The following CPS1 variants were observed in gnomAD, a reference collection of about 807,000 sequenced individuals.
CPS1 encodes carbamoyl-phosphate synthase 1, also known as carbamoyl-phosphate synthase [ammonia], mitochondrial.
A neutral mutation model predicts 174.6 loss-of-function variants in CPS1; 109 were observed. That is an observed-to-expected ratio of 0.62 (90% confidence interval 0.53 to 0.73). CPS1 has a LOEUF of 0.73. CPS1 is among the 30% of genes least tolerant of loss of function. The pLI, the probability that CPS1 is intolerant of heterozygous loss-of-function variation, is 0.00. For synonymous variants in CPS1, 637 were observed against 632.0 expected (o/e 1.01, Z -0.12); for missense variants, 1,689 against 1,821.9 (o/e 0.93, Z 1.33).
At chr2:210,501,061 C>T (rs1370823302) in intron 1 of CPS1, among the ~76,000 whole-genome samples, 1 of 152,170 alleles carries the variant, frequency 6.6e-6, no homozygotes, top group Non-Finnish European at 1.5e-5. Flanking sequence ...GGCTTGTGCC[C>T]TCTGAAGCCA....
intron 1 of CPS1, among the ~76,000 whole-genome samples, chr2:210,566,471 G>T (rs1363250337): frequency 2.0e-5 from 3 of 152,144 alleles, no homozygotes; most frequent in Non-Finnish European, 2.9e-5. Flanking sequence ...TTATAGATAG[G>T]TAGTTCTTGG....
chr2:210,648,538 G>C lies in CPS1; in HGVS notation c.3402G>C (p.Leu1134Phe). The stretch of plus-strand genomic sequence containing the variant: ...GCTTGTTGAGGCCTTCCTATGTTTT[G>C]AGGTAACACTGTATATTGTTTTCCA... ...YPCLLRPSYVLSGSAMNVVFS... is the reference protein window; with the variant it reads ...YPCLLRPSYVFSGSAMNVVFS... Residue 1134 changes from leucine (L) to phenylalanine (F), a missense_variant and splice_region_variant, in exon 27 of 38, where the codon TTG (leucine) becomes TTC (phenylalanine). By Grantham distance (22) the Leu-to-Phe change is conservative. Transcript: ENST00000233072. 6.2e-7 allele frequency: 1 copy of C among 1,612,866 alleles called. No individual in the cohort carries two copies. Among genetic ancestry groups the C allele is most frequent in the Non-Finnish European group, 8.5e-7 (1 of 1,179,144 alleles).
At chr2:210,538,331 A>G (rs1295671605) in intron 1 of CPS1, among the ~76,000 whole-genome samples, 15 of 152,150 alleles carry the variant, frequency 9.9e-5, no homozygotes, top group Non-Finnish European at 7.4e-5. Context: ...ATAGTGCCAC[A>G]TTTGAAATAT....
At chr2:210,649,888 T>G (rs1405618967) in intron 27 of CPS1, among the ~76,000 whole-genome samples, 3 of 152,178 alleles carry the variant, frequency 2.0e-5, no homozygotes, top group African/African-American at 7.2e-5. Context: ...CTTTAAAAAT[T>G]GATTCATTTG....
At chr2:210,650,547 G>T in intron 28 of CPS1, 109 bp downstream of exon 28, 1 of 856,112 alleles carries the variant, frequency 1.2e-6, no homozygotes, top group Non-Finnish European at 2.0e-6. Flanking sequence ...ACCTTACTTT[G>T]TATGTTTTCT....
intron 6 of CPS1, 51 bp from the exon 7 acceptor site, chr2:210,588,007 G>T (rs1209452228): frequency 1.3e-6 from 2 of 1,543,676 alleles, no homozygotes. Context: ...ATTTTGGTCT[G>T]TTGCCCATAG....
intron 17 of CPS1, among the ~76,000 whole-genome samples, chr2:210,606,018 A>G (rs1015154207): frequency 2.6e-5 from 4 of 151,944 alleles, no homozygotes; most frequent in Non-Finnish European, 5.9e-5. Context: ...TGCAAGAACT[A>G]TTTTATAAAA....
chr2:210,579,317 T>C (rs1697829155), intron 4 of CPS1, among the ~76,000 whole-genome samples: 1 of 152,134 alleles, frequency 6.6e-6, no homozygotes, highest in African/African-American at 2.4e-5. Flanking sequence ...CTACTCAACA[T>C]GGCCCTTCAG....
At chr2:210,511,530 A>T (rs1460512390) in intron 1 of CPS1, among the ~76,000 whole-genome samples, 1 of 122,144 alleles carries the variant, frequency 8.2e-6, no homozygotes, top group East Asian at 2.3e-4. Flanking sequence ...CTTAAATTAT[A>T]ATAATAAACA....
intron 31 of CPS1, among the ~76,000 whole-genome samples, chr2:210,660,240 C>A (rs1192304451): frequency 6.6e-6 from 1 of 152,060 alleles, no homozygotes; most frequent in East Asian, 1.9e-4. Context: ...CTGCATTAAA[C>A]TAAACCTGTC....
chr2:210,590,044 A>G, intron 7 of CPS1, 62 bp from the exon 8 acceptor site: 3 of 1,604,036 alleles, frequency 1.9e-6, no homozygotes, highest in Non-Finnish European at 2.6e-6. Flanking sequence ...AAAGTCTAGC[A>G]AAATTATACT....
upstream of CPS1, among the ~76,000 whole-genome samples, chr2:210,554,618 C>T (rs1454533917): frequency 6.6e-6 from 1 of 151,762 alleles, no homozygotes; most frequent in East Asian, 1.9e-4. Flanking sequence ...GGGACTATGA[C>T]TGATTTAAAT....
At chr2:210,547,658 C>T (rs1256607908) in intron 1 of CPS1, among the ~76,000 whole-genome samples, 1 of 151,934 alleles carries the variant, frequency 6.6e-6, no homozygotes, top group Non-Finnish European at 1.5e-5. Context: ...TAATAATTTT[C>T]ATTAGGTTTT....
intron 1 of CPS1, among the ~76,000 whole-genome samples, chr2:210,557,961 T>A (rs1696970927): frequency 6.7e-6 from 1 of 148,714 alleles, no homozygotes; most frequent in Non-Finnish European, 1.5e-5. Flanking sequence ...GGGAAAGGAA[T>A]GGGAGTAAAA....
At chr2:210,630,690 C>A (rs2105886999) in intron 21 of CPS1, among the ~76,000 whole-genome samples, 1 of 152,250 alleles carries the variant, frequency 6.6e-6, no homozygotes, top group East Asian at 1.9e-4. Context: ...AGTGCCTACC[C>A]AATTGCCTGG....
At chr2:210,519,161 C>T (rs912450778) in intron 1 of CPS1, among the ~76,000 whole-genome samples, 3 of 152,010 alleles carry the variant, frequency 2.0e-5, no homozygotes, top group African/African-American at 7.2e-5. Context: ...CATCTTTACA[C>T]ATTAATTATT....
chr2:210,490,051 A>T (rs374024119), intron 1 of CPS1, among the ~76,000 whole-genome samples: 2 of 147,620 alleles, frequency 1.4e-5, no homozygotes, highest in Admixed American at 1.4e-4. Flanking sequence ...GAAGAAAGGA[A>T]GAAAGGATGG....
Position 210,514,135 on chromosome 2 carries a change from C to G in CPS1, c.3+36369C>G, listed in dbSNP as rs768089765. On this transcript the variant is annotated intron_variant, in intron 1 of 38. Transcript: ENST00000430249. The stretch of plus-strand genomic sequence containing the variant: ...GTGATGTTATGTTTCCAGCTTTGTT[C>G]TTTTTGCTTAGTATTCCTTTGGCTT... Among the ~76,000 whole-genome samples the G allele has an allele frequency of 2.6e-5, 4 of 151,970 alleles. No individual in the cohort carries two copies. The South Asian group carries it at 8.3e-4, about 32-fold the overall frequency.
intron 1 of CPS1, among the ~76,000 whole-genome samples, chr2:210,550,278 C>T (rs1338671294): frequency 6.6e-6 from 1 of 151,896 alleles, no homozygotes; most frequent in Non-Finnish European, 1.5e-5. Context: ...GCTTTTGCTA[C>T]CTCCCACTCA....
Sources: allele counts gnomAD v4.1 joint callset (sites outside exome capture counted in the v4.1 genomes callset), GRCh38; gene constraint gnomAD v4.1.1; transcripts MANE v1.5; gene names NCBI Gene and HGNC (gene_info 2026-07-23, HGNC 2026-07-21).